FAT3: variants seen among roughly 807,000 people sequenced by gnomAD.
FAT3 encodes FAT atypical cadherin 3, also known as protocadherin Fat 3.
Under a neutral mutation model 310.2 loss-of-function variants are expected in FAT3, and 95 were observed. That is an observed-to-expected ratio of 0.31 (90% CI 0.26 to 0.36). The LOEUF (loss-of-function observed/expected upper bound fraction) is 0.36. Among genes scored for constraint, FAT3 ranks in the 10% least tolerant of loss-of-function variants. The pLI, the probability that FAT3 is intolerant of heterozygous loss-of-function variation, is 1.00. For missense variants in FAT3, 5,408 were observed against 5,715.6 expected, an observed-to-expected ratio of 0.95 and a Z score of 1.74; for synonymous variants, 2,314 against 2,192.9, an observed-to-expected ratio of 1.06 and a Z score of -1.54.
intron 13 of FAT3, among the ~76,000 whole-genome samples, chr11:92,826,569 C>T (rs1379607396): frequency 6.6e-6 from 1 of 152,250 alleles, no homozygotes; most frequent in South Asian, 2.1e-4. Context: ...GAGGTAGAGA[C>T]TTAAAATGTA....
chr11:92,450,352 C>G (rs1319756989), intron 2 of FAT3, among the ~76,000 whole-genome samples: 32 of 152,292 alleles, frequency 2.1e-4, no homozygotes, highest in Non-Finnish European at 4.4e-5. Context: ...GACCCTACTT[C>G]AAATTGTGTT....
chr11:92,879,063 A>G (rs971636644), intron 22 of FAT3, among the ~76,000 whole-genome samples: 2 of 152,162 alleles, frequency 1.3e-5, no homozygotes, highest in Admixed American at 1.3e-4. Context: ...GGGAAAAAAA[A>G]AACAAGTTAC....
At chr11:92,514,409 A>G (rs766761557) in intron 2 of FAT3, among the ~76,000 whole-genome samples, 18 of 152,194 alleles carry the variant, frequency 1.2e-4, no homozygotes, top group Non-Finnish European at 1.9e-4. Flanking sequence ...TGAAAATGAC[A>G]TTTTTATAAA....
At chr11:92,276,645 A>T in intron 1 of FAT3, among the ~76,000 whole-genome samples, 1 of 152,154 alleles carries the variant, frequency 6.6e-6, no homozygotes, top group East Asian at 1.9e-4. Flanking sequence ...CTCAACGAGT[A>T]TGTATAGAGT....
At chr11:92,266,304 C>T (rs1945947159) in intron 1 of FAT3, among the ~76,000 whole-genome samples, 1 of 152,112 alleles carries the variant, frequency 6.6e-6, no homozygotes, top group African/African-American at 2.4e-5. Flanking sequence ...TCTAAATACC[C>T]TCGACAATGT....
chr11:92,383,073 G>A (rs969731334), intron 2 of FAT3, among the ~76,000 whole-genome samples: 5 of 152,188 alleles, frequency 3.3e-5, no homozygotes, highest in Admixed American at 2.0e-4. Flanking sequence ...CTGCTTATAA[G>A]TGAGAATATG....
chr11:92,331,126 A>G (rs1426442348), intron 1 of FAT3, among the ~76,000 whole-genome samples: 1 of 152,146 alleles, frequency 6.6e-6, no homozygotes, highest in Non-Finnish European at 1.5e-5. Context: ...GATAAAATAT[A>G]TAATTAGGAG....
intron 2 of FAT3, among the ~76,000 whole-genome samples, chr11:92,397,988 G>A (rs1204121762): frequency 6.6e-6 from 1 of 152,084 alleles, no homozygotes; most frequent in African/African-American, 2.4e-5. Context: ...TTCAACAGCA[G>A]AAATGTATTG....
intron 7 of FAT3, among the ~76,000 whole-genome samples, chr11:92,789,165 T>G (rs900018854): frequency 1.3e-5 from 2 of 152,152 alleles, no homozygotes; most frequent in Admixed American, 6.6e-5. Flanking sequence ...CTAAGAGTTC[T>G]GTCTTTTAAA....
chr11:92,592,977 C>T (rs991698438), intron 3 of FAT3, among the ~76,000 whole-genome samples: 1 of 152,114 alleles, frequency 6.6e-6, no homozygotes. Flanking sequence ...TTCTTCCCTC[C>T]CCCAGGCCCC....
chr11:92,550,671 G>C, intron 3 of FAT3, among the ~76,000 whole-genome samples: 1 of 151,928 alleles, frequency 6.6e-6, no homozygotes, highest in East Asian at 1.9e-4. Context: ...CTTGGCAGCA[G>C]TTACCAGCAA....
chr11:92,774,035 C>T lies in FAT3; in HGVS notation c.4196-6C>T. ...TGCTAATTTCATGTTTCTGTGAAATCATCAGGGGGGAATTTTGACAGCGCT... is the reference window on the plus strand; with the variant it reads ...TGCTAATTTCATGTTTCTGTGAAATTATCAGGGGGGAATTTTGACAGCGCT... On this transcript the variant is annotated splice_region_variant and splice_polypyrimidine_tract_variant and intron_variant, in intron 6 of 27. Coordinates refer to ENST00000525166, the MANE Select transcript of FAT3 (RefSeq NM_001367949.2). 1 of 1,612,152 alleles carries T rather than the reference C, an allele frequency of 6.2e-7. No individual in the cohort carries two copies. The highest frequency in any genetic ancestry group is 8.5e-7 in the Non-Finnish European group (1 of 1,179,208).
At chr11:92,714,264 C>A (rs1235385666) in intron 4 of FAT3, among the ~76,000 whole-genome samples, 2 of 152,112 alleles carry the variant, frequency 1.3e-5, no homozygotes, top group Non-Finnish European at 2.9e-5. Flanking sequence ...CTACTAGGTG[C>A]AGGGAATTTT....
intron 3 of FAT3, among the ~76,000 whole-genome samples, chr11:92,611,484 T>C (rs1403808851): frequency 1.3e-5 from 2 of 152,140 alleles, no homozygotes; most frequent in Non-Finnish European, 2.9e-5. Flanking sequence ...CTTGGCCCAC[T>C]GCAACCTCCA....
In FAT3 at chr11:92,353,811, C is replaced by G; in HGVS notation, c.1699C>G (p.Arg567Gly). The change falls in exon 2 of 28, where the codon CGA becomes GGA. Residue 567 changes from arginine to glycine, a missense_variant. Around this residue, in one of 5 missense-constraint regions of FAT3, gnomAD observed 4,588 missense variants for 4,809.8 expected, o/e 0.95. Transcript: ENST00000525166. ...TGAAAGTGAGGTCAATGTGACTATT[C>G]GAATAGGAAATGTCAACGACAACAG... ...RHESEVNVTI[R>G]IGNVNDNSPL... 2 of 1,613,488 alleles carry G rather than the reference C, an allele frequency of 1.2e-6. No homozygotes were observed. Among genetic ancestry groups the G allele is most frequent in the South Asian group, 2.2e-5 (2 of 91,054 alleles).
chr11:92,447,409 T>C (rs1951247172), intron 2 of FAT3, among the ~76,000 whole-genome samples: 1 of 151,986 alleles, frequency 6.6e-6, no homozygotes, highest in South Asian at 2.1e-4. Flanking sequence ...TAATGCCTAC[T>C]TGGAGGTGGA....
At chr11:92,477,507 C>G (rs1304090795) in intron 2 of FAT3, among the ~76,000 whole-genome samples, 2 of 152,146 alleles carry the variant, frequency 1.3e-5, no homozygotes, top group Non-Finnish European at 1.5e-5. Flanking sequence ...TAAATGTTCT[C>G]CAGTGTTCTT....
intron 2 of FAT3, among the ~76,000 whole-genome samples, chr11:92,490,012 C>CT (rs570108995): frequency 7.2e-5 from 11 of 151,790 alleles, no homozygotes; most frequent in African/African-American, 2.4e-4. Context: ...TCTGAAACTA[C>CT]TTTTGAATGT....
At chr11:92,273,840 C>T (rs779864506) in intron 1 of FAT3, among the ~76,000 whole-genome samples, 4 of 152,084 alleles carry the variant, frequency 2.6e-5, no homozygotes, top group Non-Finnish European at 5.9e-5. Context: ...CATTCTTCTT[C>T]TGAGCTGATG....
Sources: gnomAD v4.1 joint callset for allele counts (sites outside exome capture counted in the v4.1 genomes callset) on GRCh38, gnomAD v4.1.1 for gene constraint, gnomAD v4.1.1 regional missense constraint, MANE v1.5 for transcripts, NCBI Gene and HGNC (gene_info 2026-07-23, HGNC 2026-07-21) for gene names.